The following CDH23 variants were observed in gnomAD, a reference collection of about 807,000 sequenced individuals.
CDH23 encodes cadherin related 23, also known as cadherin-23.
In CDH23, 189 loss-of-function variants were observed where a neutral mutation model predicts 317.1. The observed-to-expected ratio is 0.60, with a 90% confidence interval of 0.53 to 0.67. The LOEUF is 0.67. CDH23 is among the 30% of genes least tolerant of loss of function. The pLI, the probability that CDH23 is intolerant of heterozygous loss-of-function variation, is 0.00. For synonymous variants in CDH23, 1,839 were observed against 1,876.8 expected (o/e 0.98, Z 0.52); for missense variants, 4,401 against 4,592.4 (o/e 0.96, Z 1.20).
Position 71,584,373 on chromosome 10 carries a change from C to T in CDH23, c.832+6381C>T, listed in dbSNP as rs1386818604. 2.0e-5 allele frequency among the ~76,000 whole-genome samples: 3 copies of T among 152,176 alleles called. No individual in the cohort carries two copies. In the East Asian group the frequency reaches 5.8e-4, roughly 29 times the overall value. On this transcript the variant is annotated intron_variant, in intron 9 of 69. Coordinates refer to ENST00000224721, the MANE Select transcript of CDH23 (RefSeq NM_022124.6). ...AACCCCTCACTTTCAACTTTCAAGG[C>T]AGTGGCCTCACTTCCAGGTCACACT...
In CDH23 at chr10:71,788,330, G is replaced by A. The variant is rs144496506; in HGVS notation, c.5821-610G>A. 1.4e-3 allele frequency among the ~76,000 whole-genome samples: 214 copies of A among 151,974 alleles called. 6 individuals are homozygous for A. In the East Asian group the frequency reaches 0.028, roughly 20 times the overall value. On this transcript the variant is annotated intron_variant, in intron 44 of 69. Transcript: ENST00000224721. ...CTCCCAAAGTGCTGGGATTACAGGC[G>A]TGAGCCACCATGCCCAGCATGTTGT...
At chr10:71,721,855 C>T (rs1436724175) in intron 28 of CDH23, among the ~76,000 whole-genome samples, 7 of 152,206 alleles carry the variant, frequency 4.6e-5, no homozygotes, top group Non-Finnish European at 1.0e-4. Context: ...CCCTTCACTC[C>T]AGACTGGGGT....
intron 67 of CDH23, 35 bp from the exon 68 acceptor site, chr10:71,812,733 C>G (rs572419700): frequency 2.5e-6 from 4 of 1,612,618 alleles, no homozygotes; most frequent in Non-Finnish European, 3.4e-6. Flanking sequence ...TGTGTGGGGT[C>G]TGCCTCTGCT....
At chr10:71,773,612 G>C (rs1177063291) in intron 38 of CDH23, 28 of 532,340 alleles carry the variant, frequency 5.3e-5, no homozygotes, top group Non-Finnish European at 4.9e-5. Flanking sequence ...GCCGTGTGGG[G>C]GAACTGCCTC....
intron 3 of CDH23, among the ~76,000 whole-genome samples, chr10:71,462,367 C>T (rs560951622): frequency 2.4e-4 from 37 of 152,368 alleles, no homozygotes; most frequent in African/African-American, 8.4e-4. Flanking sequence ...GCCCCACCGC[C>T]ATCTGCTTTA....
At chr10:71,467,738 C>T (rs1165264557) in intron 3 of CDH23, among the ~76,000 whole-genome samples, 3 of 152,012 alleles carry the variant, frequency 2.0e-5, no homozygotes, top group East Asian at 1.9e-4. Context: ...AAACTTAGTG[C>T]GTGTAAAAAG....
chr10:71,774,535 T>C (rs1007261659), intron 38 of CDH23, among the ~76,000 whole-genome samples: 1 of 152,232 alleles, frequency 6.6e-6, no homozygotes, highest in African/African-American at 2.4e-5. Flanking sequence ...AGAGCGAAAC[T>C]ACAAACCTCT....
chr10:71,547,024 C>A (rs1422577137), intron 6 of CDH23, among the ~76,000 whole-genome samples: 1 of 152,202 alleles, frequency 6.6e-6, no homozygotes, highest in Non-Finnish European at 1.5e-5. Context: ...TGATGTTTTT[C>A]AGTACCTGTT....
chr10:71,677,782 T>C, intron 16 of CDH23, 89 bp downstream of exon 16: 1 of 1,128,206 alleles, frequency 8.9e-7, no homozygotes, highest in Non-Finnish European at 1.3e-6. Context: ...TTTTTGTTTT[T>C]ATGAGACAGG....
chr10:71,624,776 G>C (rs1861634590), intron 11 of CDH23, among the ~76,000 whole-genome samples: 1 of 140,708 alleles, frequency 7.1e-6, no homozygotes, highest in Admixed American at 6.8e-5. Context: ...ATTATCCCCT[G>C]TCCTTTCTAT....
chr10:71,666,178 G>A (rs979002830), intron 14 of CDH23, among the ~76,000 whole-genome samples: 1 of 151,912 alleles, frequency 6.6e-6, no homozygotes, highest in African/African-American at 2.4e-5. Flanking sequence ...CCCAACCAGT[G>A]CTTTGAGCCT....
At chr10:71,704,830 G>A in intron 24 of CDH23, 81 bp from the exon 25 acceptor site, 1 of 1,113,368 alleles carries the variant, frequency 9.0e-7, no homozygotes, top group Non-Finnish European at 1.4e-6. Flanking sequence ...GGCTTGGCAG[G>A]GAGGAGGAGC....
intron 3 of CDH23, 33 bp downstream of exon 3, chr10:71,446,428 A>G (rs780679219): frequency 3.7e-6 from 6 of 1,603,608 alleles, no homozygotes; most frequent in Non-Finnish European, 5.1e-6. Flanking sequence ...GGGCGTGCAG[A>G]TGGCCTGGGG....
intron 9 of CDH23, among the ~76,000 whole-genome samples, chr10:71,610,792 T>C (rs967545221): frequency 2.7e-5 from 4 of 150,876 alleles, no homozygotes; most frequent in Non-Finnish European, 5.9e-5. Flanking sequence ...TCTTGATTCC[T>C]GGAGCTCCTA....
chr10:71,403,590 T>C (rs1847958636), intron 1 of CDH23, among the ~76,000 whole-genome samples: 1 of 149,326 alleles, frequency 6.7e-6, no homozygotes, highest in South Asian at 2.2e-4. Context: ...AATCTCAGCT[T>C]ACTGCAACCT....
intron 6 of CDH23, among the ~76,000 whole-genome samples, chr10:71,526,079 C>T (rs1408845280): frequency 6.6e-6 from 1 of 152,228 alleles, no homozygotes; most frequent in Non-Finnish European, 1.5e-5. Context: ...CCAGCAAAAG[C>T]TCGGCCCTCT....
chr10:71,687,747 GC>G, intron 19 of CDH23, 28 bp downstream of exon 19: 1 of 1,604,882 alleles, frequency 6.2e-7, no homozygotes. Flanking sequence ...GGGGTGGGGG[GC>G]ACATGGAGGT....
At position 71,802,986 on chromosome 10, in the gene CDH23, C is replaced by T. The variant is rs753818645; in HGVS notation, c.7571C>T (p.Ala2524Val). 1.2e-5 allele frequency: 19 copies of T among 1,613,910 alleles called. No homozygotes were observed. In the Admixed American group the frequency reaches 2.2e-4, roughly 18 times the overall value. The change falls in exon 54 of 70, where the codon GCG becomes GTG. Residue 2524 changes from alanine to valine, a missense_variant. This residue lies in a region of CDH23 where 189 missense variants were observed against 250.9 expected (regional missense o/e 0.75). Coordinates refer to ENST00000224721, the MANE Select transcript of CDH23 (RefSeq NM_022124.6). ...FSTSVYENEP[A>V]GTSVITMMAT... ...ACAAGCGTGTATGAGAATGAGCCGG[C>T]GGGCACCTCGGTCATCACCATGATG...
intron 1 of CDH23, among the ~76,000 whole-genome samples, chr10:71,434,061 C>T (rs1463191944): frequency 1.3e-5 from 2 of 152,190 alleles, no homozygotes; most frequent in Non-Finnish European, 2.9e-5. Flanking sequence ...CTGTGCACCC[C>T]TTCCAGCCAC....
Sources: allele counts gnomAD v4.1 joint callset (sites outside exome capture counted in the v4.1 genomes callset), GRCh38; gene constraint gnomAD v4.1.1; regional missense constraint gnomAD v4.1.1; transcripts MANE v1.5; gene names NCBI Gene and HGNC (gene_info 2026-07-23, HGNC 2026-07-21).